The following TGFBR2 variants were observed in gnomAD, a reference collection of about 807,000 sequenced individuals.
The protein encoded by TGFBR2 is transforming growth factor beta receptor 2.
Under a neutral mutation model 49.0 loss-of-function variants are expected in TGFBR2, and 18 were observed. That is an observed-to-expected ratio of 0.37 (90% CI 0.25 to 0.54). TGFBR2 has a LOEUF of 0.54. Among genes scored for constraint, TGFBR2 ranks in the 20% least tolerant of loss-of-function variants. The probability of loss-of-function intolerance (pLI) is 0.85; values close to 1 mark genes in which losing one functional copy is unlikely to be tolerated. For synonymous variants in TGFBR2, 282 were observed against 275.9 expected (o/e 1.02, Z -0.22); for missense variants, 525 against 722.6 (o/e 0.73, Z 3.13).
intron 1 of TGFBR2, among the ~76,000 whole-genome samples, chr3:30,609,696 G>T (rs906669535): frequency 1.3e-5 from 2 of 152,254 alleles, no homozygotes; most frequent in East Asian, 3.9e-4. Context: ...TGAGGACAAA[G>T]AATTTGTAAA....
intron 1 of TGFBR2, among the ~76,000 whole-genome samples, chr3:30,638,031 G>A (rs888304678): frequency 1.3e-5 from 2 of 152,186 alleles, no homozygotes; most frequent in Non-Finnish European, 2.9e-5. Flanking sequence ...AAATGAGTTA[G>A]GTGAAATATG....
At chr3:30,646,760 A>G (rs1051534790) in intron 2 of TGFBR2, among the ~76,000 whole-genome samples, 12 of 152,150 alleles carry the variant, frequency 7.9e-5, no homozygotes, top group African/African-American at 2.9e-4. Context: ...GGTTTCTTAA[A>G]TATCTACGGT....
intron 1 of TGFBR2, among the ~76,000 whole-genome samples, chr3:30,611,381 T>C (rs1337971246): frequency 2.6e-5 from 4 of 152,248 alleles, no homozygotes; most frequent in South Asian, 2.1e-4. Context: ...TTGACTGTTT[T>C]TGAAGTATGG....
chr3:30,663,180 CTT>C (rs1471299421), intron 3 of TGFBR2, among the ~76,000 whole-genome samples: 1 of 151,002 alleles, frequency 6.6e-6, no homozygotes, highest in African/African-American at 2.4e-5. Context: ...CTTTCACTCT[CTT>C]TCTGTGTGTG....
At chr3:30,617,401 T>TGTGAAAAGGA (rs1159669492) in intron 1 of TGFBR2, among the ~76,000 whole-genome samples, 3 of 152,216 alleles carry the variant, frequency 2.0e-5, no homozygotes, top group African/African-American at 4.8e-5. Context: ...CAATATGATA[T>TGTGAAAAGGA]AATTTGTCCT....
At chr3:30,657,244 A>G (rs1489909208) in intron 3 of TGFBR2, among the ~76,000 whole-genome samples, 1 of 152,174 alleles carries the variant, frequency 6.6e-6, no homozygotes, top group African/African-American at 2.4e-5. Flanking sequence ...AACCCATGGG[A>G]GGCTGCACAA....
chr3:30,638,707 T>C (rs190389335), intron 1 of TGFBR2, among the ~76,000 whole-genome samples: 1 of 152,348 alleles, frequency 6.6e-6, no homozygotes, highest in East Asian at 1.9e-4. Context: ...GGTTGGTTGG[T>C]TGTAGTAATT....
chr3:30,682,443 G>T (rs1034158532), intron 5 of TGFBR2, among the ~76,000 whole-genome samples: 20 of 152,052 alleles, frequency 1.3e-4, no homozygotes, highest in Non-Finnish European at 5.9e-5. Context: ...TTTTAAAAAG[G>T]TGGTTCTTGT....
chr3:30,619,946 G>C (rs1465217155), intron 1 of TGFBR2, among the ~76,000 whole-genome samples: 1 of 128,876 alleles, frequency 7.8e-6, no homozygotes, highest in African/African-American at 2.6e-5. Flanking sequence ...CCAGCACTTT[G>C]GGAGGCCGAG....
At chr3:30,657,832 C>T (rs1699036315) in intron 3 of TGFBR2, among the ~76,000 whole-genome samples, 1 of 152,168 alleles carries the variant, frequency 6.6e-6, no homozygotes, top group South Asian at 2.1e-4. Context: ...GGTATGTTTA[C>T]TGTAAAGAAT....
intron 1 of TGFBR2, among the ~76,000 whole-genome samples, chr3:30,620,604 A>T (rs1000984885): frequency 3.9e-5 from 6 of 152,108 alleles, no homozygotes; most frequent in African/African-American, 1.2e-4. Flanking sequence ...TTTTCCATCC[A>T]TCACTGGCTC....
chr3:30,648,229 G>A (rs1441787721), intron 2 of TGFBR2, among the ~76,000 whole-genome samples: 1 of 152,136 alleles, frequency 6.6e-6, no homozygotes, highest in African/African-American at 2.4e-5. Flanking sequence ...TCTCTGTGAT[G>A]TTAGTTCTCT....
intron 1 of TGFBR2, among the ~76,000 whole-genome samples, chr3:30,638,483 G>A (rs1486540023): frequency 1.3e-5 from 2 of 152,138 alleles, no homozygotes; most frequent in Admixed American, 1.3e-4. Flanking sequence ...GTACCCCAGA[G>A]ACCATGTGGA....
intron 1 of TGFBR2, among the ~76,000 whole-genome samples, chr3:30,628,277 A>G (rs1158938844): frequency 6.6e-6 from 1 of 152,122 alleles, no homozygotes; most frequent in East Asian, 1.9e-4. Flanking sequence ...GGGAAAGGGA[A>G]GTTAAAGCGG....
At chr3:30,607,914 A>G (rs1248058155) in intron 1 of TGFBR2, among the ~76,000 whole-genome samples, 3 of 148,464 alleles carry the variant, frequency 2.0e-5, no homozygotes, top group Non-Finnish European at 4.5e-5. Context: ...TTGTTATGGA[A>G]AGTGTAAAAC....
At chr3:30,682,895 G>A (rs529585320) in intron 5 of TGFBR2, among the ~76,000 whole-genome samples, 1 of 152,330 alleles carries the variant, frequency 6.6e-6, no homozygotes, top group South Asian at 2.1e-4. Context: ...TCACATTTGG[G>A]AAGGGCATGT....
chr3:30,648,449 CACACACACACA>C (rs1358285911), intron 2 of TGFBR2, among the ~76,000 whole-genome samples: 34 of 131,616 alleles, frequency 2.6e-4, no homozygotes, highest in African/African-American at 4.8e-4. Flanking sequence ...CACACACACA[CACACACACACA>C]CAAAACTGTG....
chr3:30,634,580 ATTACT>A (rs1380167955), intron 1 of TGFBR2, among the ~76,000 whole-genome samples: 2 of 152,174 alleles, frequency 1.3e-5, no homozygotes, highest in African/African-American at 4.8e-5. Flanking sequence ...TAAGTAACAA[ATTACT>A]TTAGTTGAAT....
intron 2 of TGFBR2, among the ~76,000 whole-genome samples, chr3:30,648,090 T>C (rs539528346): frequency 6.6e-6 from 1 of 152,310 alleles, no homozygotes; most frequent in African/African-American, 2.4e-5. Flanking sequence ...TACTTCTTTG[T>C]ATTTACCTTT....
Sources: gnomAD v4.1 joint callset for allele counts (sites outside exome capture counted in the v4.1 genomes callset) on GRCh38, gnomAD v4.1.1 for gene constraint, MANE v1.5 for transcripts, NCBI Gene and HGNC (gene_info 2026-07-23, HGNC 2026-07-21) for gene names.